The following CASD1 variants were observed in gnomAD, a reference collection of about 807,000 sequenced individuals.
CASD1 encodes CAS1 domain sialic acid O acetyltransferase 1.
Under a neutral mutation model 100.0 loss-of-function variants are expected in CASD1, and 41 were observed. The ratio of observed to expected loss-of-function variants is 0.41; its 90% CI spans 0.32 to 0.53. CASD1 has a LOEUF of 0.53. Ranked by LOEUF, CASD1 falls within the 20% of genes least tolerant of loss-of-function variation. CASD1 has a pLI of 0.25. For missense variants in CASD1, 774 were observed against 948.7 expected, an observed-to-expected ratio of 0.82 and a Z score of 2.42; for synonymous variants, 321 against 315.6, an observed-to-expected ratio of 1.02 and a Z score of -0.18.
At chr7:94,554,439 C>A in intron 16 of CASD1, 44 bp from the exon 17 acceptor site, 1 of 1,273,078 alleles carries the variant, frequency 7.9e-7, no homozygotes, top group South Asian at 1.3e-5. Context: ...AAATACTTTT[C>A]AATAAAGAGA....
At chr7:94,558,812 T>C (rs900540143), downstream of CASD1, among the ~76,000 whole-genome samples, 7 of 152,080 alleles carry the variant, frequency 4.6e-5, no homozygotes, top group African/African-American at 1.7e-4. Context: ...AATTAATTAA[T>C]TTTTTGAGGC....
At chr7:94,535,215 A>T in intron 7 of CASD1, 94 bp from the exon 8 acceptor site, 1 of 875,078 alleles carries the variant, frequency 1.1e-6, no homozygotes, top group Non-Finnish European at 1.8e-6. Context: ...TTTAAAAATA[A>T]CATATGAAAT....
chr7:94,565,905 G>A, the CASD1 span, among the ~76,000 whole-genome samples: 5 of 152,288 alleles, frequency 3.3e-5, no homozygotes, highest in African/African-American at 1.2e-4. Flanking sequence ...AGAGAATTGG[G>A]TAAGAAGAGC....
the CASD1 span, among the ~76,000 whole-genome samples, chr7:94,569,481 G>T: frequency 1.6e-3 from 238 of 152,252 alleles, 4 homozygotes; most frequent in South Asian, 0.013. Flanking sequence ...AAAAGACAGG[G>T]TCTCACTCTG....
At chr7:94,561,368 A>G (rs966418178), downstream of CASD1, among the ~76,000 whole-genome samples, 10 of 152,216 alleles carry the variant, frequency 6.6e-5, no homozygotes, top group East Asian at 1.9e-4. Context: ...AGATACCTCA[A>G]TGTTCATTAC....
chr7:94,558,234 T>G (rs1441644277), downstream of CASD1, among the ~76,000 whole-genome samples: 1 of 152,212 alleles, frequency 6.6e-6, no homozygotes, highest in Admixed American at 6.5e-5. Context: ...TCATTTATTA[T>G]TCTATTCTCG....
intron 3 of CASD1, 108 bp from the exon 4 acceptor site, chr7:94,527,054 A>G (rs1426650828): frequency 1.2e-6 from 1 of 843,280 alleles, no homozygotes; most frequent in Non-Finnish European, 1.9e-6. Flanking sequence ...GTGCATAAAA[A>G]TATATCAACA....
At chr7:94,557,913 G>A (rs972560120), downstream of CASD1, among the ~76,000 whole-genome samples, 2 of 151,894 alleles carry the variant, frequency 1.3e-5, no homozygotes, top group African/African-American at 4.8e-5. Flanking sequence ...TTTCTGCATC[G>A]ACTCAGATAC....
In CASD1 at chr7:94,549,634, T is replaced by C. The variant is rs925083972; in HGVS notation, c.1815T>C (p.Tyr605=). The change falls in exon 14 of 18, where the codon TAT becomes TAC. Residue 605 remains tyrosine, a splice_region_variant and synonymous_variant. Coordinates refer to ENST00000297273, the MANE Select transcript of CASD1 (RefSeq NM_022900.5). ...GGTTCAGATGGAGGTTAGACCGTTA[T>C]GTATGTATTTACTTTGTGATATTTT... is the stretch of plus-strand genomic sequence containing the variant. ...EWWFRWRLDR[Y]VVFHGMLFAF... 1.9e-6 allele frequency: 3 copies of C among 1,583,142 alleles called. No individual in the cohort carries two copies. The highest frequency in any genetic ancestry group is 2.6e-6 in the Non-Finnish European group (3 of 1,163,130).
intron 16 of CASD1, chr7:94,553,044 C>CT: frequency 3.4e-6 from 1 of 296,438 alleles, no homozygotes; most frequent in Non-Finnish European, 6.6e-6. Flanking sequence ...AGCCTACATT[C>CT]TTTTTAGCGT....
the CASD1 span, among the ~76,000 whole-genome samples, chr7:94,603,638 C>T: frequency 6.6e-6 from 1 of 152,102 alleles, no homozygotes; most frequent in Non-Finnish European, 1.5e-5. Flanking sequence ...TTCCTTTATT[C>T]AACCAATATT....
chr7:94,544,378 A>G lies in CASD1; in HGVS notation c.1357-33A>G, dbSNP rs185233426. The G allele has an allele frequency of 3.4e-5, 54 of 1,610,806 alleles. No homozygotes were observed. In the Admixed American group the frequency reaches 8.4e-4, roughly 25 times the overall value. The stretch of plus-strand genomic sequence containing the variant: ...ATAATCCAAGGTGTAGTTGATGCCA[A>G]CATATGTTTTACCTGTTTATCTTTG... On this transcript the variant is annotated intron_variant, in intron 10 of 17. Coordinates refer to ENST00000297273, the MANE Select transcript of CASD1 (RefSeq NM_022900.5).
At chr7:94,620,250 C>T in the CASD1 span, 1 of 152,098 alleles carries the variant, frequency 6.6e-6, no homozygotes, top group African/African-American at 2.4e-5. Flanking sequence ...AAGAAACTAA[C>T]GCTTCAGAAT....
intron 13 of CASD1, among the ~76,000 whole-genome samples, chr7:94,547,710 T>C (rs1795747997): frequency 6.6e-6 from 1 of 151,898 alleles, no homozygotes; most frequent in Non-Finnish European, 1.5e-5. Flanking sequence ...GATTTTCTGT[T>C]ATTTTAACAG....
chr7:94,533,560 T>G (rs1794956765), intron 6 of CASD1, 119 bp from the exon 7 acceptor site: 1 of 764,134 alleles, frequency 1.3e-6, no homozygotes, highest in East Asian at 3.1e-5. Context: ...AATTTTATTC[T>G]AATATTAAAT....
chr7:94,630,190 G>A, the CASD1 span, among the ~76,000 whole-genome samples: 1 of 151,754 alleles, frequency 6.6e-6, no homozygotes, highest in Admixed American at 6.6e-5. Flanking sequence ...AATACATCAT[G>A]AGAACTGACC....
At chr7:94,599,623 A>C in the CASD1 span, 1 of 1,114,202 alleles carries the variant, frequency 9.0e-7, no homozygotes, top group Non-Finnish European at 1.4e-6. Flanking sequence ...CTTGACACAC[A>C]TGTATGGAGC....
intron 17 of CASD1, 48 bp from the exon 18 acceptor site, chr7:94,555,444 A>G: frequency 3.2e-6 from 5 of 1,555,364 alleles, no homozygotes; most frequent in Non-Finnish European, 4.4e-6. Flanking sequence ...ACTGTAATTT[A>G]TTCATGGACC....
intron 1 of CASD1, among the ~76,000 whole-genome samples, chr7:94,510,646 A>C (rs564324923): frequency 1.3e-3 from 191 of 152,324 alleles, no homozygotes; most frequent in African/African-American, 4.4e-3. Context: ...CGCTGCCAGC[A>C]GTGGGGTCGC....
Sources: allele counts gnomAD v4.1 joint callset (sites outside exome capture counted in the v4.1 genomes callset), GRCh38; gene constraint gnomAD v4.1.1; transcripts MANE v1.5; gene names NCBI Gene and HGNC (gene_info 2026-07-23, HGNC 2026-07-21).